Variants in GTF2F2 observed in about 807,000 individuals in gnomAD.
GTF2F2 encodes ATP-dependent helicase GTF2F2.
Under a neutral mutation model 42.2 loss-of-function variants are expected in GTF2F2, and 23 were observed. That is an observed-to-expected ratio of 0.55 (90% CI 0.39 to 0.77). The LOEUF (loss-of-function observed/expected upper bound fraction) is 0.77, where lower values mean the gene tolerates loss of function less well. Among genes scored for constraint, GTF2F2 ranks in the 30% least tolerant of loss-of-function variants. The pLI, the probability that GTF2F2 is intolerant of heterozygous loss-of-function variation, is 0.00. For synonymous variants in GTF2F2, 105 were observed against 100.8 expected, an observed-to-expected ratio of 1.04 and a Z score of -0.25; for missense variants, 261 against 287.2, an observed-to-expected ratio of 0.91 and a Z score of 0.66.
chr13:45,146,611 G>A (rs1288221446), intron 2 of GTF2F2, among the ~76,000 whole-genome samples: 1 of 152,108 alleles, frequency 6.6e-6, no homozygotes, highest in Non-Finnish European at 1.5e-5. Flanking sequence ...AGGCCCCATT[G>A]GTACCAAATC....
At chr13:45,271,549 A>T (rs1593529053) in intron 7 of GTF2F2, among the ~76,000 whole-genome samples, 1 of 147,366 alleles carries the variant, frequency 6.8e-6, no homozygotes, top group Non-Finnish European at 1.5e-5. Flanking sequence ...CACCCAGCTA[A>T]TTTTTTTTTT....
rs563596862 is a variant in GTF2F2, at chr13:45,153,176, ATT to A, written c.304+1359_304+1360del. 4.2e-3 allele frequency among the ~76,000 whole-genome samples: 598 copies of A among 141,630 alleles called. 2 individuals are homozygous for A. Among genetic ancestry groups the A allele is most frequent in the Middle Eastern group, 0.018 (5 of 274 alleles). The allele number at this position is 141,630 out of a possible 152,430, so 92.9% of individuals were successfully genotyped here. On this transcript the variant is annotated intron_variant, in intron 4 of 7. Coordinates refer to ENST00000340473, the MANE Select transcript of GTF2F2 (RefSeq NM_004128.3). ...AGGTGCCCGCCACCATGCCCGGCTA[ATT>A]TTTTTTTTTTTTTGTATTTTTAGTA...
intron 5 of GTF2F2, among the ~76,000 whole-genome samples, chr13:45,210,586 A>C (rs2138192513): frequency 6.6e-6 from 1 of 152,206 alleles, no homozygotes; most frequent in East Asian, 1.9e-4. Flanking sequence ...ATGAAAACAA[A>C]GTTTGTTTTT....
intron 4 of GTF2F2, chr13:45,194,673 A>G (rs1872803811): frequency 1.9e-6 from 2 of 1,046,382 alleles, no homozygotes; most frequent in Non-Finnish European, 2.8e-6. Flanking sequence ...TGGTGATGGA[A>G]TGGAAACGCT....
intron 4 of GTF2F2, among the ~76,000 whole-genome samples, chr13:45,185,981 T>C (rs1872401583): frequency 6.6e-6 from 1 of 152,122 alleles, no homozygotes. Flanking sequence ...TAACATGGTT[T>C]TTTTTTTTCT....
intron 4 of GTF2F2, chr13:45,193,714 G>T: frequency 7.3e-7 from 1 of 1,371,670 alleles, no homozygotes. Context: ...ATGTTATTTG[G>T]GATGTCTTTG....
chr13:45,170,903 G>C (rs527873572), intron 4 of GTF2F2, among the ~76,000 whole-genome samples: 16 of 152,136 alleles, frequency 1.1e-4, no homozygotes, highest in Middle Eastern at 3.4e-3. Flanking sequence ...ATACTGGGAG[G>C]GTAGCAGAGA....
intron 1 of GTF2F2, among the ~76,000 whole-genome samples, chr13:45,128,348 G>T (rs1869155873): frequency 6.7e-6 from 1 of 149,284 alleles, no homozygotes. Flanking sequence ...GCCGAGGCGG[G>T]CAGATCACGA....
intron 7 of GTF2F2, among the ~76,000 whole-genome samples, chr13:45,281,705 A>G (rs1212638670): frequency 6.6e-6 from 1 of 152,248 alleles, no homozygotes; most frequent in Admixed American, 6.5e-5. Context: ...ATGCTAGAGA[A>G]AAGCACTACC....
intron 4 of GTF2F2, among the ~76,000 whole-genome samples, chr13:45,184,420 G>T (rs1056335614): frequency 7.0e-6 from 1 of 143,388 alleles, no homozygotes; most frequent in Admixed American, 6.9e-5. Flanking sequence ...ACAGGGTCTT[G>T]CTCTGTCACC....
rs1593457010 is a variant in GTF2F2 at position 45,151,648 on chromosome 13, C to T, written c.160-39C>T. 8 of 1,368,922 alleles carry T rather than the reference C, an allele frequency of 5.8e-6. No homozygotes were observed. In the East Asian group the frequency reaches 1.9e-4, roughly 33 times the overall value. The allele number at this position is 1,368,922 out of a possible 1,614,324, so 84.8% of individuals were successfully genotyped here. A position where few individuals can be genotyped will look rare whatever the true frequency, so the allele number is the denominator to read the frequency against. ...AATTTATATATATATAGTTTGAATACAGAAGTCTGTTATAATCTCTGGTTA... is the reference window on the plus strand; with the variant it reads ...AATTTATATATATATAGTTTGAATATAGAAGTCTGTTATAATCTCTGGTTA... On this transcript the variant is annotated intron_variant, in intron 3 of 7. Transcript: ENST00000340473.
intron 1 of GTF2F2, among the ~76,000 whole-genome samples, chr13:45,125,466 C>G (rs978284453): frequency 6.6e-6 from 1 of 152,006 alleles, no homozygotes; most frequent in Admixed American, 6.6e-5. Flanking sequence ...GCTACAGGCG[C>G]GGGCCACCAC....
At chr13:45,201,299 C>T (rs1280204083) in intron 4 of GTF2F2, among the ~76,000 whole-genome samples, 1 of 152,164 alleles carries the variant, frequency 6.6e-6, no homozygotes, top group Non-Finnish European at 1.5e-5. Flanking sequence ...CCTTGGGCAG[C>T]TTCTTAACAT....
At chr13:45,221,415 G>A (rs144781930) in intron 5 of GTF2F2, among the ~76,000 whole-genome samples, 1 of 152,046 alleles carries the variant, frequency 6.6e-6, no homozygotes, top group Admixed American at 6.6e-5. Context: ...GGGGCCTTTT[G>A]TTCATACATT....
chr13:45,124,319 T>G (rs530228582), intron 1 of GTF2F2, among the ~76,000 whole-genome samples: 1 of 151,298 alleles, frequency 6.6e-6, no homozygotes, highest in East Asian at 2.0e-4. Flanking sequence ...CCTGACCTTG[T>G]GATCCACCCG....
chr13:45,191,224 A>AAATATATATATATATATAT, intron 4 of GTF2F2, among the ~76,000 whole-genome samples: 15 of 75,312 alleles, frequency 2.0e-4, no homozygotes, highest in African/African-American at 1.5e-3. Flanking sequence ...ACAAAAAAAA[A>AAATATATATATATATATAT]ATATATATAT....
chr13:45,130,053 A>G (rs1455161144), intron 1 of GTF2F2, among the ~76,000 whole-genome samples: 1 of 152,178 alleles, frequency 6.6e-6, no homozygotes, highest in Non-Finnish European at 1.5e-5. Context: ...GGTGAGAGGG[A>G]GAGTAGGAGT....
intron 4 of GTF2F2, among the ~76,000 whole-genome samples, chr13:45,185,955 T>C (rs1872400211): frequency 6.6e-6 from 1 of 152,082 alleles, no homozygotes; most frequent in Non-Finnish European, 1.5e-5. Flanking sequence ...GATTATGGTA[T>C]CTTCATTCAT....
intron 4 of GTF2F2, among the ~76,000 whole-genome samples, chr13:45,173,369 C>CTGTGTGTGTGTG (rs374858973): frequency 2.0e-4 from 29 of 147,340 alleles, no homozygotes; most frequent in African/African-American, 7.0e-4. Context: ...TTGTACTTAA[C>CTGTGTGTGTGTG]TGTGTGTGTG....
Sources: allele counts gnomAD v4.1 joint callset (sites outside exome capture counted in the v4.1 genomes callset), GRCh38; gene constraint gnomAD v4.1.1; transcripts MANE v1.5; gene names NCBI Gene and HGNC (gene_info 2026-07-23, HGNC 2026-07-21).